Variants in PDCD11 observed in about 807,000 individuals in gnomAD.
The protein encoded by PDCD11 is protein RRP5 homolog.
In PDCD11, 97 loss-of-function variants were observed where a neutral mutation model predicts 198.9. That is an observed-to-expected ratio of 0.49 (90% CI 0.41 to 0.58). The LOEUF is 0.58. Among genes scored for constraint, PDCD11 ranks in the 20% least tolerant of loss-of-function variants. The pLI, the probability that PDCD11 is intolerant of heterozygous loss-of-function variation, is 0.00. For missense variants in PDCD11, 2,102 were observed against 2,312.7 expected (o/e 0.91, Z 1.87); for synonymous variants, 893 against 918.0 (o/e 0.97, Z 0.49).
At chr10:103,441,300 C>T (rs1423420458) in intron 30 of PDCD11, among the ~76,000 whole-genome samples, 1 of 152,162 alleles carries the variant, frequency 6.6e-6, no homozygotes, top group South Asian at 2.1e-4. Flanking sequence ...CTTTGTCATC[C>T]AGGCTGGAGT....
At chr10:103,421,637 T>C (rs974770277) in intron 17 of PDCD11, 70 bp downstream of exon 17, 2 of 1,274,498 alleles carry the variant, frequency 1.6e-6, no homozygotes, top group Non-Finnish European at 2.2e-6. Flanking sequence ...CACCTGTTGT[T>C]AGGTGAGTTG....
rs1227766554 is a variant in PDCD11, at chr10:103,409,734, A to G, written c.906A>G (p.Thr302=). 3 of 1,614,064 alleles carry G rather than the reference A, an allele frequency of 1.9e-6. No homozygotes were observed. Among genetic ancestry groups the G allele is most frequent in the Middle Eastern group, 1.6e-4 (1 of 6,062 alleles). Residue 302 remains threonine (T), a synonymous_variant, in exon 8 of 36, where the codon ACA becomes ACG. Coordinates refer to ENST00000369797, the MANE Select transcript of PDCD11 (RefSeq NM_014976.2). The part of the protein sequence containing the change: ...TPFGLTLNFL[T]FFTGVVDFMH... Reference sequence around the variant, plus strand: ...TTGGCCTTACGCTAAACTTCCTCACATTCTTCACGGGCGTGGTTGACTTTA... The same window carrying G: ...TTGGCCTTACGCTAAACTTCCTCACGTTCTTCACGGGCGTGGTTGACTTTA...
In PDCD11 at chr10:103,418,503, A is replaced by G. The variant is rs1459625389; in HGVS notation, c.1975A>G (p.Asn659Asp). Reference sequence around the variant, plus strand: ...GCTGGAGGTGGCTGTCCTGCCCCACAACATCCGTGCTTTCCTCCCCACATC... The same window carrying G: ...GCTGGAGGTGGCTGTCCTGCCCCACGACATCCGTGCTTTCCTCCCCACATC... Reference protein sequence around the residue: ...DGLEVAVLPHNIRAFLPTSHL... With the variant: ...DGLEVAVLPHDIRAFLPTSHL... The change falls in exon 15 of 36, where the codon AAC (asparagine) becomes GAC (aspartate). Residue 659 changes from asparagine (N) to aspartate (D), a missense_variant. By Grantham distance (23) the Asn-to-Asp change is conservative. Coordinates refer to ENST00000369797, the MANE Select transcript of PDCD11 (RefSeq NM_014976.2). The G allele has an allele frequency of 3.7e-6, 6 of 1,614,156 alleles. No individual in the cohort carries two copies. The Admixed American group carries it at 8.3e-5, about 22-fold the overall frequency.
chr10:103,397,398 C>T (rs1298561717), intron 1 of PDCD11, among the ~76,000 whole-genome samples: 1 of 152,088 alleles, frequency 6.6e-6, no homozygotes, highest in African/African-American at 2.4e-5. Flanking sequence ...AGCAAACTAC[C>T]CATATCTAAT....
chr10:103,440,243 C>T (rs1207822367), intron 28 of PDCD11, 47 bp from the exon 29 acceptor site: 3 of 1,564,860 alleles, frequency 1.9e-6, no homozygotes, highest in Non-Finnish European at 1.7e-6. Flanking sequence ...CTGTGGTGCC[C>T]TCTGCTTTTT....
chr10:103,413,676 C>T (rs2030935888), intron 9 of PDCD11, among the ~76,000 whole-genome samples: 1 of 152,154 alleles, frequency 6.6e-6, no homozygotes, highest in African/African-American at 2.4e-5. Flanking sequence ...ATGAAAGCAG[C>T]CATAGACAGT....
chr10:103,433,921 C>T, intron 22 of PDCD11, 27 bp from the exon 23 acceptor site: 3 of 1,552,960 alleles, frequency 1.9e-6, no homozygotes, highest in Non-Finnish European at 2.7e-6. Context: ...TGTATTTGCC[C>T]TACTCTGGTT....
Position 103,444,588 on chromosome 10 carries a change from T to C in PDCD11, c.5350T>C (p.Phe1784Leu). The C allele has an allele frequency of 1.9e-6, 3 of 1,614,192 alleles. No homozygotes were observed. Among genetic ancestry groups the C allele is most frequent in the Non-Finnish European group, 2.5e-6 (3 of 1,180,034 alleles). Residue 1784 changes from phenylalanine (F) to leucine (L), a missense_variant, in exon 35 of 36, where the codon TTT becomes CTT. Phe to Leu is a conservative substitution (Grantham distance 22). Transcript: ENST00000369797. ...LGDAERAKAI[F>L]ENTLSTYPKR... ...GGATGCAGAGCGGGCCAAAGCCATT[T>C]TTGAGAACACGCTGAGCACCTACCC...
intron 21 of PDCD11, among the ~76,000 whole-genome samples, chr10:103,427,976 C>A (rs1050680802): frequency 1.3e-5 from 2 of 152,140 alleles, no homozygotes; most frequent in African/African-American, 4.8e-5. Flanking sequence ...GGTTGTAAAT[C>A]TTAATGCACC....
chr10:103,427,491 A>G (rs949338984), intron 21 of PDCD11, 100 bp downstream of exon 21: 112 of 1,011,572 alleles, frequency 1.1e-4, no homozygotes, highest in Non-Finnish European at 1.4e-4. Flanking sequence ...GTTAGGATTG[A>G]TTTTTGCCTT....
intron 2 of PDCD11, 52 bp downstream of exon 2, chr10:103,398,580 T>C: frequency 1.7e-6 from 2 of 1,183,422 alleles, no homozygotes; most frequent in Non-Finnish European, 2.5e-6. Flanking sequence ...TACTGTAGTG[T>C]CTTGTGAAAA....
chr10:103,409,271 G>A (rs772371536), intron 7 of PDCD11, among the ~76,000 whole-genome samples: 9 of 151,510 alleles, frequency 5.9e-5, no homozygotes, highest in Non-Finnish European at 1.3e-4. Context: ...CCATAAGGGT[G>A]ACTTGGCTTG....
intron 15 of PDCD11, 122 bp downstream of exon 15, chr10:103,418,756 G>A (rs1208912388): frequency 1.3e-6 from 1 of 778,760 alleles, no homozygotes; most frequent in Non-Finnish European, 2.0e-6. Context: ...AACCAAACCA[G>A]TGATGAAGCC....
intron 24 of PDCD11, 47 bp downstream of exon 24, chr10:103,434,397 A>T: frequency 1.6e-6 from 2 of 1,222,674 alleles, no homozygotes; most frequent in Non-Finnish European, 1.2e-6. Flanking sequence ...AGCGGCAGGA[A>T]GGGGTGGGAT....
At chr10:103,397,283 C>T (rs1240033662) in intron 1 of PDCD11, among the ~76,000 whole-genome samples, 1 of 143,136 alleles carries the variant, frequency 7.0e-6, no homozygotes, top group Non-Finnish European at 1.5e-5. Context: ...ACCGAATTTA[C>T]TTGCCTTCAA....
chr10:103,406,853 C>G, intron 7 of PDCD11, 63 bp downstream of exon 7: 1 of 1,336,168 alleles, frequency 7.5e-7, no homozygotes, highest in Non-Finnish European at 1.0e-6. Flanking sequence ...ATATTAAATG[C>G]ATAAAGTCTA....
chr10:103,413,344 G>T, intron 9 of PDCD11, 22 bp downstream of exon 9: 1 of 1,596,144 alleles, frequency 6.3e-7, no homozygotes, highest in Non-Finnish European at 8.6e-7. Flanking sequence ...TCTTTGTTTG[G>T]TCAGGGATCT....
intron 2 of PDCD11, among the ~76,000 whole-genome samples, chr10:103,398,794 G>A (rs1432448234): frequency 3.9e-5 from 6 of 152,118 alleles, no homozygotes; most frequent in Non-Finnish European, 5.9e-5. Flanking sequence ...CGAGGCAGGC[G>A]GATCACTTGA....
At chr10:103,421,808 CA>C (rs1046122029) in intron 17 of PDCD11, among the ~76,000 whole-genome samples, 22 of 146,644 alleles carry the variant, frequency 1.5e-4, no homozygotes, top group African/African-American at 5.0e-4. Context: ...ACTAAAAATA[CA>C]AAAAAAAATT....
Sources: gnomAD v4.1 joint callset for allele counts (sites outside exome capture counted in the v4.1 genomes callset) on GRCh38, gnomAD v4.1.1 for gene constraint, MANE v1.5 for transcripts, NCBI Gene and HGNC (gene_info 2026-07-23, HGNC 2026-07-21) for gene names.